The following ANKRD26 variants were observed in gnomAD, a reference collection of about 807,000 sequenced individuals.
The protein encoded by ANKRD26 is ankyrin repeat domain-containing protein 26.
In ANKRD26, 141 loss-of-function variants were observed where a neutral mutation model predicts 208.7. The ratio of observed to expected loss-of-function variants is 0.68; its 90% CI spans 0.59 to 0.78. The LOEUF (loss-of-function observed/expected upper bound fraction) is 0.78. ANKRD26 is among the 30% of genes least tolerant of loss of function. The pLI is 0.00. For synonymous variants in ANKRD26, 636 were observed against 660.4 expected, an observed-to-expected ratio of 0.96 and a Z score of 0.57; for missense variants, 1,889 against 1,938.7, an observed-to-expected ratio of 0.97 and a Z score of 0.48.
chr10:26,951,468 C>A, the ANKRD26 span, among the ~76,000 whole-genome samples: 1 of 152,114 alleles, frequency 6.6e-6, no homozygotes, highest in Non-Finnish European at 1.5e-5. Context: ...TTGAAATTTT[C>A]TAGCAATTCT....
chr10:26,979,450 A>AG (rs200993821), intron 5 of ANKRD26, among the ~76,000 whole-genome samples: 1 of 152,174 alleles, frequency 6.6e-6, no homozygotes, highest in East Asian at 1.9e-4. Context: ...TGTTGTATTT[A>AG]GGGCCCTTGA....
exon 6 of ANKRD26, among the ~76,000 whole-genome samples, chr10:26,975,965 C>G (rs955131079): frequency 6.6e-6 from 1 of 152,070 alleles, no homozygotes; most frequent in African/African-American, 2.4e-5. Context: ...ATCACTCTTA[C>G]CTCCTGGAAA....
chr10:26,982,597 T>TAA (rs892016577), intron 4 of ANKRD26, among the ~76,000 whole-genome samples: 1 of 140,538 alleles, frequency 7.1e-6, no homozygotes, highest in African/African-American at 2.6e-5. Context: ...CATGGAGATT[T>TAA]AAAAAAAAAA....
the ANKRD26 span, among the ~76,000 whole-genome samples, chr10:26,958,007 A>G: frequency 2.0e-5 from 3 of 151,662 alleles, no homozygotes; most frequent in South Asian, 4.2e-4. Flanking sequence ...CAGGATGTGT[A>G]GGTTTGCTAC....
Position 27,067,238 on chromosome 10 carries a change from T to C in ANKRD26, c.1126A>G (p.Ile376Val). 6.2e-7 allele frequency: 1 copy of C among 1,613,882 alleles called. No homozygotes were observed. The highest frequency in any genetic ancestry group is 8.5e-7 in the Non-Finnish European group (1 of 1,179,930). Residue 376 changes from isoleucine (I) to valine (V), a missense_variant, in exon 10 of 34, where the codon ATT becomes GTT. Physicochemically the swap from Ile to Val is conservative, Grantham distance 29. Around this residue, in one of 3 missense-constraint regions of ANKRD26, gnomAD observed 1,272 missense variants for 1,273.8 expected, o/e 1.00. Coordinates refer to ENST00000376087, the MANE Select transcript of ANKRD26 (RefSeq NM_014915.3). Reference protein sequence around the residue: ...GIAKKENGIDIIESAPLEQTN... With the variant: ...GIAKKENGIDVIESAPLEQTN... ...TGCTCTAGTGGAGCACTTTCAATAA[T>C]ATCAATACCATTTTCTTTTTTTGCA...
At chr10:27,042,067 A>C (rs1231272921) in intron 20 of ANKRD26, among the ~76,000 whole-genome samples, 3 of 152,058 alleles carry the variant, frequency 2.0e-5, no homozygotes, top group African/African-American at 7.2e-5. Context: ...CAAAAAAAAA[A>C]CAAACCCAAA....
At chr10:27,053,813 A>C (rs1037281870) in intron 15 of ANKRD26, among the ~76,000 whole-genome samples, 1 of 152,352 alleles carries the variant, frequency 6.6e-6, no homozygotes, top group East Asian at 1.9e-4. Context: ...GAAACAAAAC[A>C]AAATTTTATG....
chr10:27,036,764 T>C (rs1375080251), intron 23 of ANKRD26, among the ~76,000 whole-genome samples: 1 of 152,078 alleles, frequency 6.6e-6, no homozygotes, highest in Non-Finnish European at 1.5e-5. Flanking sequence ...ATCCAAAATA[T>C]GTCACTGAAC....
At chr10:26,966,837 T>C in the ANKRD26 span, among the ~76,000 whole-genome samples, 1 of 152,182 alleles carries the variant, frequency 6.6e-6, no homozygotes, top group African/African-American at 2.4e-5. Flanking sequence ...GTTTGCATTC[T>C]TGGAGTTCTA....
downstream of ANKRD26, among the ~76,000 whole-genome samples, chr10:26,973,649 C>CTTTTTTTTTT (rs71386903): frequency 7.5e-4 from 66 of 88,428 alleles, no homozygotes; most frequent in East Asian, 1.2e-3. Context: ...TTTATTTGTC[C>CTTTTTTTTTT]TTTTTTTTTT....
At chr10:27,091,116 A>AATAATAATG (rs1319923965) in intron 4 of ANKRD26, among the ~76,000 whole-genome samples, 4 of 152,090 alleles carry the variant, frequency 2.6e-5, no homozygotes, top group African/African-American at 9.7e-5. Context: ...TAATAATAAT[A>AATAATAATG]AAGGTAATAA....
At chr10:27,094,221 T>C (rs929548819) in intron 1 of ANKRD26, among the ~76,000 whole-genome samples, 7 of 152,236 alleles carry the variant, frequency 4.6e-5, no homozygotes, top group African/African-American at 1.7e-4. Flanking sequence ...TTAAACCTCT[T>C]TCCTTTATAA....
exon 6 of ANKRD26, among the ~76,000 whole-genome samples, chr10:26,975,255 GTCTC>G (rs1391899448): frequency 6.6e-6 from 1 of 152,070 alleles, no homozygotes; most frequent in Non-Finnish European, 1.5e-5. Flanking sequence ...TAGAGGTAGA[GTCTC>G]TCTCTGTCAC....
At chr10:26,981,789 T>C (rs2052312657) in intron 4 of ANKRD26, among the ~76,000 whole-genome samples, 2 of 152,122 alleles carry the variant, frequency 1.3e-5, no homozygotes, top group South Asian at 2.1e-4. Context: ...ACCCAATGGG[T>C]TCTGCTTGTG....
chr10:26,997,947 T>C lies in ANKRD26; in HGVS notation c.563-2800A>G, dbSNP rs75346187. The stretch of plus-strand genomic sequence containing the variant: ...CCCCTGGTCCCACTTTCTCTCGTCT[T>C]TTCTCATTCCTTTGACTCTGCCGGA... On this transcript the variant is annotated intron_variant, in intron 4 of 5. Transcript: ENST00000445828. Among the ~76,000 whole-genome samples, 1,324 of 152,326 alleles carry C rather than the reference T, an allele frequency of 8.7e-3. 52 individuals carry two copies. The East Asian group carries it at 0.14, about 16-fold the overall frequency.
At chr10:26,991,562 C>T (rs888035364), downstream of ANKRD26, among the ~76,000 whole-genome samples, 1 of 152,050 alleles carries the variant, frequency 6.6e-6, no homozygotes. Context: ...CCTGCCTTAG[C>T]CTCCCGAGTA....
At chr10:27,078,281 A>T (rs1343756536) in intron 7 of ANKRD26, among the ~76,000 whole-genome samples, 1 of 152,218 alleles carries the variant, frequency 6.6e-6, no homozygotes, top group African/African-American at 2.4e-5. Flanking sequence ...TGGGGCAATG[A>T]TTGCTGAACA....
At chr10:26,987,904 C>T (rs2052417369), downstream of ANKRD26, among the ~76,000 whole-genome samples, 1 of 152,142 alleles carries the variant, frequency 6.6e-6, no homozygotes, top group African/African-American at 2.4e-5. Flanking sequence ...GGTAAGGCCA[C>T]AAGGTCTAGC....
chr10:27,053,803 GAAACA>G (rs1222337535), intron 15 of ANKRD26, among the ~76,000 whole-genome samples: 3 of 152,148 alleles, frequency 2.0e-5, no homozygotes, highest in Admixed American at 2.0e-4. Context: ...TAAACTGTCA[GAAACA>G]AAACAAAATT....
Sources: gnomAD v4.1 joint callset for allele counts (sites outside exome capture counted in the v4.1 genomes callset) on GRCh38, gnomAD v4.1.1 for gene constraint, gnomAD v4.1.1 regional missense constraint, MANE v1.5 for transcripts, NCBI Gene and HGNC (gene_info 2026-07-23, HGNC 2026-07-21) for gene names.